MAP7: variants seen among roughly 807,000 people sequenced by gnomAD.
MAP7 encodes the protein microtubule associated protein 7, also known as ensconsin.
A neutral mutation model predicts 94.8 loss-of-function variants in MAP7; 52 were observed. The ratio of observed to expected loss-of-function variants is 0.55; its 90% CI spans 0.44 to 0.69. The LOEUF is 0.69. Ranked by LOEUF, MAP7 falls within the 30% of genes least tolerant of loss-of-function variation. The pLI, the probability that MAP7 is intolerant of heterozygous loss-of-function variation, is 0.00. For missense variants in MAP7, 940 were observed against 964.6 expected, an observed-to-expected ratio of 0.97 and a Z score of 0.34; for synonymous variants, 350 against 357.0, an observed-to-expected ratio of 0.98 and a Z score of 0.22.
At chr6:136,363,156 T>A (rs1793320681) in intron 10 of MAP7, among the ~76,000 whole-genome samples, 1 of 152,230 alleles carries the variant, frequency 6.6e-6, no homozygotes, top group African/African-American at 2.4e-5. Context: ...GGGAAGATGA[T>A]ACCCTATGAA....
At position 136,423,132 on chromosome 6, in the gene MAP7, C is replaced by G. The variant is rs542768200; in HGVS notation, c.68-1333G>C. 2.6e-5 allele frequency among the ~76,000 whole-genome samples: 4 copies of G among 152,324 alleles called. No homozygotes were observed. The East Asian group carries it at 7.7e-4, about 29-fold the overall frequency. ...TTAACAAGTATTCAAGGCCCTTTCT[C>G]CCAGCTTCTATGCTTTTCTGTGGAG... is the stretch of plus-strand genomic sequence containing the variant. On this transcript the variant is annotated intron_variant, in intron 1 of 17. Transcript: ENST00000354570.
chr6:136,353,969 G>A (rs1166188311), intron 16 of MAP7, among the ~76,000 whole-genome samples: 3 of 151,896 alleles, frequency 2.0e-5, no homozygotes. Flanking sequence ...AACACTGTGG[G>A]GGAAGGTTGA....
At chr6:136,375,166 TA>T (rs1345361718) in intron 7 of MAP7, among the ~76,000 whole-genome samples, 1 of 152,170 alleles carries the variant, frequency 6.6e-6, no homozygotes, top group African/African-American at 2.4e-5. Flanking sequence ...AAAAATGGCA[TA>T]ATATGGTAAT....
At chr6:136,434,494 G>C (rs1219317922) in intron 1 of MAP7, among the ~76,000 whole-genome samples, 1 of 151,842 alleles carries the variant, frequency 6.6e-6, no homozygotes, top group Admixed American at 6.6e-5. Flanking sequence ...CAGGAAAAAG[G>C]GATTTAAATC....
At chr6:136,402,025 T>C (rs941253448) in intron 3 of MAP7, among the ~76,000 whole-genome samples, 3 of 152,180 alleles carry the variant, frequency 2.0e-5, no homozygotes, top group Non-Finnish European at 2.9e-5. Flanking sequence ...TTAGTTCTCC[T>C]ACTGTTCCCT....
chr6:136,481,909 A>T (rs1024006208), intron 1 of MAP7, among the ~76,000 whole-genome samples: 3 of 152,158 alleles, frequency 2.0e-5, no homozygotes, highest in African/African-American at 7.2e-5. Context: ...TCCACAACAA[A>T]TTTTTTTAAA....
intron 8 of MAP7, among the ~76,000 whole-genome samples, chr6:136,371,915 G>T (rs1270708183): frequency 6.6e-6 from 1 of 152,182 alleles, no homozygotes; most frequent in Non-Finnish European, 1.5e-5. Flanking sequence ...TACAAAATCA[G>T]AATTTATAGC....
At chr6:136,503,538 G>C (rs940078224) in intron 1 of MAP7, among the ~76,000 whole-genome samples, 2 of 151,966 alleles carry the variant, frequency 1.3e-5, no homozygotes, top group African/African-American at 4.8e-5. Flanking sequence ...CCAGTGACTC[G>C]GCATACCTTA....
chr6:136,531,914 GA>G (rs1299441251), intron 1 of MAP7, among the ~76,000 whole-genome samples: 1 of 152,068 alleles, frequency 6.6e-6, no homozygotes, highest in Admixed American at 6.5e-5. Flanking sequence ...ATAGAAAAAA[GA>G]AAGCTAAGAG....
chr6:136,361,169 C>T lies in MAP7; in HGVS notation c.1537G>A (p.Glu513Lys), dbSNP rs771642716. 2 of 1,603,038 alleles carry T rather than the reference C, an allele frequency of 1.2e-6. No homozygotes were observed. The highest frequency in any genetic ancestry group is 1.7e-5 in the Admixed American group (1 of 60,026). ...TCAGCCACACGTTGAGCCAATTCCT[C>T]TCTCTTTTGTCTGGAAAAAGACAGA... is the stretch of plus-strand genomic sequence containing the variant. ...EQEELERQKR[E>K]ELAQRVAEER... The change falls in exon 12 of 18, where the codon GAG (glutamate) becomes AAG (lysine). Residue 513 changes from glutamate to lysine, a missense_variant. Coordinates refer to ENST00000354570, the MANE Select transcript of MAP7 (RefSeq NM_003980.6).
intron 1 of MAP7, among the ~76,000 whole-genome samples, chr6:136,466,115 T>C (rs999467648): frequency 1.3e-5 from 2 of 152,110 alleles, no homozygotes; most frequent in African/African-American, 4.8e-5. Context: ...TTACATATCA[T>C]GAAAATGAGA....
intron 1 of MAP7, among the ~76,000 whole-genome samples, chr6:136,505,110 A>G (rs1473411653): frequency 6.6e-6 from 1 of 151,856 alleles, no homozygotes; most frequent in Non-Finnish European, 1.5e-5. Flanking sequence ...AGGGCCAAAC[A>G]GACGATAAAA....
chr6:136,546,942 C>G (rs1345463304), intron 1 of MAP7, among the ~76,000 whole-genome samples: 1 of 152,156 alleles, frequency 6.6e-6, no homozygotes, highest in African/African-American at 2.4e-5. Flanking sequence ...GCACAATTGC[C>G]TAGTCTAATA....
chr6:136,345,321 C>A (rs186670200), intron 17 of MAP7, among the ~76,000 whole-genome samples: 1 of 152,304 alleles, frequency 6.6e-6, no homozygotes, highest in Non-Finnish European at 1.5e-5. Context: ...GTACTGGTTT[C>A]ATCACCTAAA....
intron 1 of MAP7, among the ~76,000 whole-genome samples, chr6:136,538,275 T>C (rs1335369234): frequency 6.6e-6 from 1 of 152,226 alleles, no homozygotes; most frequent in Non-Finnish European, 1.5e-5. Flanking sequence ...CTATTTCATG[T>C]ATGTACTTTG....
chr6:136,434,306 CAA>C (rs59002856), intron 1 of MAP7, among the ~76,000 whole-genome samples: 26 of 59,688 alleles, frequency 4.4e-4, no homozygotes, highest in East Asian at 1.7e-3. Context: ...GACTCCGTCT[CAA>C]AAAAAAAAAA....
chr6:136,492,896 C>G (rs1348099440), intron 1 of MAP7, among the ~76,000 whole-genome samples: 1 of 151,810 alleles, frequency 6.6e-6, no homozygotes, highest in Non-Finnish European at 1.5e-5. Context: ...CACCACTGGA[C>G]AGAAATAGTG....
In MAP7 at chr6:136,377,865, C is replaced by T. The variant is rs375799988; in HGVS notation, c.641G>A (p.Arg214His). 105 of 1,609,826 alleles carry T rather than the reference C, an allele frequency of 6.5e-5. 1 individual carries two copies. The highest frequency in any genetic ancestry group is 1.7e-4 in the Middle Eastern group (1 of 6,042). Residue 214 changes from arginine to histidine, a missense_variant, in exon 7 of 18, where the codon CGC (arginine) becomes CAC (histidine). Arg to His is a conservative substitution (Grantham distance 29, BLOSUM62 0). Coordinates refer to ENST00000354570, the MANE Select transcript of MAP7 (RefSeq NM_003980.6). The stretch of plus-strand genomic sequence containing the variant: ...CTCCCATGGGCTGAGCTGCAGGCGG[C>T]GAGCTAAACGTCACCACATAAGCAA... ...ATLLNSPDRA[R>H]RLQLSPWESS...
intron 1 of MAP7, among the ~76,000 whole-genome samples, chr6:136,545,710 C>A (rs1382304154): frequency 1.3e-5 from 2 of 152,160 alleles, no homozygotes; most frequent in African/African-American, 4.8e-5. Context: ...TTATATCCCA[C>A]TTACCCATTT....
Sources: gnomAD v4.1 joint callset for allele counts (sites outside exome capture counted in the v4.1 genomes callset) on GRCh38, gnomAD v4.1.1 for gene constraint, MANE v1.5 for transcripts, NCBI Gene and HGNC (gene_info 2026-07-23, HGNC 2026-07-21) for gene names.